The following PAN3 variants were observed in gnomAD, a reference collection of about 807,000 sequenced individuals.
PAN3 encodes poly(A) specific ribonuclease subunit PAN3.
PAN3 carries 19 observed loss-of-function variants against 96.2 expected under a neutral mutation model. The observed-to-expected ratio is 0.20, with a 90% CI of 0.14 to 0.29. The LOEUF is 0.29. Among genes scored for constraint, PAN3 ranks in the 10% least tolerant of loss-of-function variants. The pLI is 1.00. For synonymous variants in PAN3, 433 were observed against 406.6 expected, an observed-to-expected ratio of 1.06 and a Z score of -0.78; for missense variants, 882 against 1,108.1, an observed-to-expected ratio of 0.80 and a Z score of 2.90.
At chr13:28,176,837 T>A (rs1593414523) in intron 3 of PAN3, among the ~76,000 whole-genome samples, 1 of 151,210 alleles carries the variant, frequency 6.6e-6, no homozygotes, top group African/African-American at 2.4e-5. Context: ...CAAGACCATG[T>A]CTCTATTATT....
At chr13:28,242,145 T>C (rs1279598133) in intron 6 of PAN3, among the ~76,000 whole-genome samples, 1 of 152,232 alleles carries the variant, frequency 6.6e-6, no homozygotes, top group Non-Finnish European at 1.5e-5. Flanking sequence ...TCTCTCGTAG[T>C]GTCTAGTGGG....
At chr13:28,156,445 C>T (rs1593374513) in intron 1 of PAN3, among the ~76,000 whole-genome samples, 1 of 151,982 alleles carries the variant, frequency 6.6e-6, no homozygotes, top group Non-Finnish European at 1.5e-5. Flanking sequence ...AGCCCAGGAC[C>T]AAATGGATTC....
At chr13:28,220,974 C>T (rs1182217336) in intron 6 of PAN3, among the ~76,000 whole-genome samples, 12 of 152,058 alleles carry the variant, frequency 7.9e-5, no homozygotes, top group Admixed American at 3.3e-4. Flanking sequence ...AAAGTGTACC[C>T]ATAATGACAG....
rs961643064 is a variant in PAN3, at chr13:28,294,508, G to T, written c.*1986G>T. On this transcript the variant is annotated 3_prime_UTR_variant, in exon 19 of 19. Coordinates refer to ENST00000380958, the MANE Select transcript of PAN3 (RefSeq NM_175854.8). ...ATATTGTTTTCTTTGAAAATGAAAG[G>T]GGATCATCTATTTTAGTTTTGGGGT... is the stretch of plus-strand genomic sequence containing the variant. 6.6e-6 allele frequency: 1 copy of T among 152,580 alleles called. No individual in the cohort carries two copies. The highest frequency in any genetic ancestry group is 6.5e-5 in the Admixed American group (1 of 15,282). The allele number at this position is 152,580 out of a possible 1,614,324, so 9.5% of individuals were successfully genotyped here.
At chr13:28,287,483 CTG>C (rs1350965788) in intron 17 of PAN3, among the ~76,000 whole-genome samples, 1 of 152,184 alleles carries the variant, frequency 6.6e-6, no homozygotes, top group East Asian at 1.9e-4. Context: ...TCCTACTAGA[CTG>C]TAAGTTCCTA....
chr13:28,172,287 T>G (rs1874404418), intron 1 of PAN3, among the ~76,000 whole-genome samples: 1 of 152,060 alleles, frequency 6.6e-6, no homozygotes, highest in South Asian at 2.1e-4. Flanking sequence ...AAACCCTGAC[T>G]CTACTAAATA....
chr13:28,154,116 A>G (rs1278688417), intron 1 of PAN3, among the ~76,000 whole-genome samples: 1 of 152,162 alleles, frequency 6.6e-6, no homozygotes, highest in Non-Finnish European at 1.5e-5. Flanking sequence ...CAAGAACCCA[A>G]TTTATTTAGT....
intron 6 of PAN3, among the ~76,000 whole-genome samples, chr13:28,233,533 T>G (rs933161131): frequency 6.6e-6 from 1 of 152,102 alleles, no homozygotes; most frequent in Non-Finnish European, 1.5e-5. Flanking sequence ...TCCCAAAGTG[T>G]TGGGATTACA....
At chr13:28,193,749 A>AC (rs1371379538) in intron 4 of PAN3, among the ~76,000 whole-genome samples, 4 of 149,884 alleles carry the variant, frequency 2.7e-5, no homozygotes, top group East Asian at 2.0e-4. Flanking sequence ...AAAAAAAAAA[A>AC]AAAAAAACCC....
At chr13:28,238,458 A>C (rs978199506) in intron 6 of PAN3, among the ~76,000 whole-genome samples, 1 of 152,192 alleles carries the variant, frequency 6.6e-6, no homozygotes, top group Non-Finnish European at 1.5e-5. Flanking sequence ...AAATGAGTAC[A>C]ATTTTCAAGA....
intron 4 of PAN3, among the ~76,000 whole-genome samples, chr13:28,196,511 A>T (rs552501838): frequency 2.0e-5 from 3 of 151,408 alleles, no homozygotes; most frequent in Admixed American, 6.6e-5. Context: ...ATCTGTTCAT[A>T]TTATTGAGAT....
At chr13:28,148,283 G>A (rs1488452821) in intron 1 of PAN3, among the ~76,000 whole-genome samples, 1 of 151,784 alleles carries the variant, frequency 6.6e-6, no homozygotes, top group Non-Finnish European at 1.5e-5. Context: ...GTGTGTGTTT[G>A]TATATATATA....
intron 6 of PAN3, among the ~76,000 whole-genome samples, chr13:28,253,920 G>A (rs1438909389): frequency 6.6e-6 from 1 of 152,052 alleles, no homozygotes; most frequent in East Asian, 1.9e-4. Flanking sequence ...TTCTACTATA[G>A]GTGAATTTCT....
chr13:28,245,740 G>C (rs1335778626), intron 6 of PAN3, among the ~76,000 whole-genome samples: 3 of 152,060 alleles, frequency 2.0e-5, no homozygotes, highest in Non-Finnish European at 4.4e-5. Flanking sequence ...AGATTTGCCT[G>C]TGCTGCACAT....
chr13:28,270,085 A>G (rs1886489103), intron 12 of PAN3, among the ~76,000 whole-genome samples: 1 of 152,214 alleles, frequency 6.6e-6, no homozygotes, highest in Admixed American at 6.5e-5. Flanking sequence ...ATAAGGTCAT[A>G]TTCCTTGGAA....
intron 6 of PAN3, among the ~76,000 whole-genome samples, chr13:28,220,659 A>G (rs1327523391): frequency 6.6e-6 from 1 of 152,116 alleles, no homozygotes; most frequent in Non-Finnish European, 1.5e-5. Flanking sequence ...ATCTTTTTGT[A>G]TTTCTCTATT....
At chr13:28,153,996 G>A (rs2001395) in intron 1 of PAN3, among the ~76,000 whole-genome samples, 1 of 152,098 alleles carries the variant, frequency 6.6e-6, no homozygotes, top group Non-Finnish European at 1.5e-5. Context: ...GGCAGCTTTC[G>A]ATTATGTAGA....
At chr13:28,240,655 C>T (rs1883571998) in intron 6 of PAN3, among the ~76,000 whole-genome samples, 1 of 152,268 alleles carries the variant, frequency 6.6e-6, no homozygotes, top group East Asian at 1.9e-4. Context: ...GCAGAAAATT[C>T]AACTTTCGCT....
At chr13:28,196,316 T>C (rs937237510) in intron 4 of PAN3, among the ~76,000 whole-genome samples, 11 of 152,184 alleles carry the variant, frequency 7.2e-5, no homozygotes, top group African/African-American at 2.7e-4. Flanking sequence ...AAAAAATACA[T>C]ACAAGTTTTC....
Sources: allele counts gnomAD v4.1 joint callset (sites outside exome capture counted in the v4.1 genomes callset), GRCh38; gene constraint gnomAD v4.1.1; transcripts MANE v1.5; gene names NCBI Gene and HGNC (gene_info 2026-07-23, HGNC 2026-07-21).